The following ALPK1 variants were observed in gnomAD, a reference collection of about 807,000 sequenced individuals.
ALPK1 encodes alpha kinase 1.
Under a neutral mutation model 120.6 loss-of-function variants are expected in ALPK1, and 110 were observed. The observed-to-expected ratio is 0.91, with a 90% CI of 0.78 to 1.07. The LOEUF is 1.07. Among genes scored for constraint, ALPK1 ranks in the 50% least tolerant of loss-of-function variants. ALPK1 has a pLI of 0.00. For missense variants in ALPK1, 1,498 were observed against 1,483.9 expected, an observed-to-expected ratio of 1.01 and a Z score of -0.16; for synonymous variants, 582 against 560.3, an observed-to-expected ratio of 1.04 and a Z score of -0.55.
intron 2 of ALPK1, among the ~76,000 whole-genome samples, chr4:112,365,555 C>G (rs1261619413): frequency 6.6e-6 from 1 of 152,112 alleles, no homozygotes; most frequent in Non-Finnish European, 1.5e-5. Context: ...AAAGAAATCA[C>G]AGACAGCACA....
chr4:112,364,553 G>T (rs373609060), intron 2 of ALPK1, among the ~76,000 whole-genome samples: 3 of 152,150 alleles, frequency 2.0e-5, no homozygotes, highest in African/African-American at 7.2e-5. Flanking sequence ...CAAGCAGTGA[G>T]ATTGAAATGG....
chr4:112,346,219 C>T (rs1202353684), intron 2 of ALPK1, among the ~76,000 whole-genome samples: 1 of 152,144 alleles, frequency 6.6e-6, no homozygotes, highest in African/African-American at 2.4e-5. Flanking sequence ...TAAAAATTAA[C>T]ACTAATTCTT....
At chr4:112,380,669 T>C (rs1212524952) in intron 3 of ALPK1, among the ~76,000 whole-genome samples, 3 of 152,176 alleles carry the variant, frequency 2.0e-5, no homozygotes, top group African/African-American at 7.2e-5. Context: ...ATGTTTCACA[T>C]AGATACTAGA....
chr4:112,347,103 A>G (rs567791090), intron 2 of ALPK1, among the ~76,000 whole-genome samples: 2 of 152,224 alleles, frequency 1.3e-5, no homozygotes, highest in Non-Finnish European at 2.9e-5. Flanking sequence ...TAGCTGTTTC[A>G]GTGTTTTAAA....
At chr4:112,409,207 G>T (rs1733336042) in intron 4 of ALPK1, among the ~76,000 whole-genome samples, 1 of 152,168 alleles carries the variant, frequency 6.6e-6, no homozygotes, top group Non-Finnish European at 1.5e-5. Flanking sequence ...CAGTGGCCTT[G>T]ATCTGGTCGT....
At chr4:112,334,121 A>G (rs1729509222) in intron 2 of ALPK1, among the ~76,000 whole-genome samples, 1 of 152,120 alleles carries the variant, frequency 6.6e-6, no homozygotes, top group South Asian at 2.1e-4. Context: ...GATGCATATC[A>G]CAAATTTCCT....
At chr4:112,410,013 G>C (rs753297417) in intron 4 of ALPK1, among the ~76,000 whole-genome samples, 14 of 152,260 alleles carry the variant, frequency 9.2e-5, no homozygotes, top group South Asian at 6.2e-4. Context: ...TATTGTGCTG[G>C]TATTTGGCAG....
At chr4:112,423,315 T>G (rs1257924009) in intron 5 of ALPK1, among the ~76,000 whole-genome samples, 1 of 152,148 alleles carries the variant, frequency 6.6e-6, no homozygotes, top group African/African-American at 2.4e-5. Flanking sequence ...AGGAGGCCAC[T>G]GTGACTGAAG....
chr4:112,315,851 G>A lies in ALPK1; in HGVS notation c.-102G>A, dbSNP rs966153446. 1 of 152,084 alleles carries A rather than the reference G, an allele frequency of 6.6e-6. No homozygotes were observed. Among genetic ancestry groups the A allele is most frequent in the African/African-American group, 2.4e-5 (1 of 41,394 alleles). The allele number at this position is 152,084 out of a possible 1,614,324, so 9.4% of individuals were successfully genotyped here. On this transcript the variant is annotated splice_region_variant and 5_prime_UTR_variant, in exon 2 of 16. Transcript: ENST00000650871. The stretch of plus-strand genomic sequence containing the variant: ...TTGAAATCTAATGAACCGAAACTTT[G>A]GGTAAGTTTTCATATGAAACTTTTG...
intron 9 of ALPK1, among the ~76,000 whole-genome samples, chr4:112,428,446 A>G (rs1037293529): frequency 2.6e-5 from 4 of 152,238 alleles, no homozygotes. Flanking sequence ...GTGTAGCAAA[A>G]GAACACATAC....
chr4:112,375,007 G>A (rs1052220321), intron 2 of ALPK1, among the ~76,000 whole-genome samples: 5 of 152,068 alleles, frequency 3.3e-5, no homozygotes, highest in African/African-American at 1.2e-4. Flanking sequence ...GCCACCAGCT[G>A]CATTAACCTC....
intron 1 of ALPK1, among the ~76,000 whole-genome samples, chr4:112,301,093 A>G (rs1353739730): frequency 6.6e-6 from 1 of 152,206 alleles, no homozygotes; most frequent in Non-Finnish European, 1.5e-5. Context: ...GCATTTCTTC[A>G]CAGTAACTTC....
At chr4:112,414,468 C>T (rs1229921818) in intron 5 of ALPK1, 4 of 341,978 alleles carry the variant, frequency 1.2e-5, no homozygotes, top group Admixed American at 3.4e-5. Flanking sequence ...ATTAGCCAGG[C>T]GTGGTGGCAG....
intron 5 of ALPK1, among the ~76,000 whole-genome samples, chr4:112,413,712 C>T (rs1733600322): frequency 6.6e-6 from 1 of 152,204 alleles, no homozygotes. Context: ...AGCTGCCATG[C>T]CTGACCCGGT....
intron 4 of ALPK1, among the ~76,000 whole-genome samples, chr4:112,410,157 T>C (rs1429299793): frequency 6.6e-6 from 1 of 152,172 alleles, no homozygotes; most frequent in Non-Finnish European, 1.5e-5. Context: ...TGAACTTGCT[T>C]TGTGCAACTC....
chr4:112,345,328 T>C (rs1730056612), intron 2 of ALPK1, among the ~76,000 whole-genome samples: 1 of 152,206 alleles, frequency 6.6e-6, no homozygotes, highest in South Asian at 2.1e-4. Context: ...AACAGGACAA[T>C]GAGGCACAGT....
intron 10 of ALPK1, among the ~76,000 whole-genome samples, chr4:112,429,710 C>T (rs117460489): frequency 0.028 from 4,290 of 151,694 alleles, 99 homozygotes; most frequent in East Asian, 0.086. Context: ...TGTGGTGGTA[C>T]GTGCCTATAG....
intron 2 of ALPK1, among the ~76,000 whole-genome samples, chr4:112,354,202 T>A (rs545373613): frequency 5.9e-5 from 9 of 152,316 alleles, no homozygotes; most frequent in African/African-American, 2.2e-4. Context: ...CAGAAGTTTA[T>A]CCTTAATTAC....
At chr4:112,338,226 C>G (rs1323819182) in intron 2 of ALPK1, among the ~76,000 whole-genome samples, 1 of 152,186 alleles carries the variant, frequency 6.6e-6, no homozygotes, top group East Asian at 1.9e-4. Flanking sequence ...TTTGGCCTCC[C>G]CAAGTGCTAG....
Sources: allele counts gnomAD v4.1 joint callset (sites outside exome capture counted in the v4.1 genomes callset), GRCh38; gene constraint gnomAD v4.1.1; transcripts MANE v1.5; gene names NCBI Gene and HGNC (gene_info 2026-07-23, HGNC 2026-07-21).